Variants in WDPCP observed in about 807,000 individuals in gnomAD.
WDPCP encodes the protein WD repeat-containing and planar cell polarity effector protein fritz homolog.
Under a neutral mutation model 93.1 loss-of-function variants are expected in WDPCP, and 71 were observed. That is an observed-to-expected ratio of 0.76 (90% confidence interval 0.63 to 0.93). The LOEUF is 0.93. WDPCP is among the 40% of genes least tolerant of loss of function. The pLI is 0.00. For synonymous variants in WDPCP, 315 were observed against 315.0 expected, an observed-to-expected ratio of 1.00 and a Z score of 0.00; for missense variants, 844 against 887.4, an observed-to-expected ratio of 0.95 and a Z score of 0.62.
rs1700634777 is a variant in WDPCP at position 63,487,440 on chromosome 2, A to G, written c.208+7T>C. ...TAAAAATTAATTGCACAGAATAGGT[A>G]CTTTACCTGGTGGATCTTTCTTGTC... On this transcript the variant is annotated splice_region_variant and intron_variant, in intron 3 of 17. Transcript: ENST00000272321. 6.3e-7 allele frequency: 1 copy of G among 1,583,336 alleles called. No homozygotes were observed. Among genetic ancestry groups the G allele is most frequent in the Non-Finnish European group, 8.7e-7 (1 of 1,153,844 alleles).
chr2:63,595,051 TG>T (rs1709278880), intron 3 of WDPCP: 1 of 308,036 alleles, frequency 3.2e-6, no homozygotes, highest in Non-Finnish European at 6.1e-6. Flanking sequence ...TCTTGACCCA[TG>T]GATACTGAAT....
chr2:63,611,922 ACTTT>A (rs1473915894), intron 3 of WDPCP, among the ~76,000 whole-genome samples: 1 of 152,220 alleles, frequency 6.6e-6, no homozygotes, highest in Non-Finnish European at 1.5e-5. Context: ...TGAGTAAAGC[ACTTT>A]TAAGCAGAAT....
At chr2:63,605,532 C>T (rs550873582) in intron 3 of WDPCP, 36 of 663,138 alleles carry the variant, frequency 5.4e-5, no homozygotes, top group South Asian at 4.3e-4. Context: ...AAGTAAACTT[C>T]GGGGTTTGTT....
intron 2 of WDPCP, among the ~76,000 whole-genome samples, chr2:63,779,233 T>C (rs988206176): frequency 3.9e-5 from 6 of 152,180 alleles, no homozygotes; most frequent in African/African-American, 1.2e-4. Flanking sequence ...TCTCAAGAAT[T>C]TGAAAGACCT....
intron 1 of WDPCP, among the ~76,000 whole-genome samples, chr2:63,819,041 C>G (rs1306923667): frequency 6.6e-6 from 1 of 152,072 alleles, no homozygotes; most frequent in African/African-American, 2.4e-5. Flanking sequence ...GATATATGCA[C>G]TCTTATATAT....
At chr2:63,147,522 C>T (rs902854801) in intron 17 of WDPCP, among the ~76,000 whole-genome samples, 1 of 152,162 alleles carries the variant, frequency 6.6e-6, no homozygotes, top group African/African-American at 2.4e-5. Context: ...TAGTTTAAGA[C>T]ATCTTATGTT....
chr2:63,704,680 T>G lies in WDPCP; in HGVS notation n.309-53842A>C, dbSNP rs377166435. ...ATCATGGTGGATAAGCTTTTTGATG[T>G]GTTGCTGGATTCGGCTTGCCAGTAT... On this transcript the variant is annotated intron_variant and non_coding_transcript_variant, in intron 2 of 4. Coordinates refer to the WDPCP transcript ENST00000467687. Among the ~76,000 whole-genome samples the G allele has an allele frequency of 3.3e-5, 5 of 152,306 alleles. No homozygotes were observed. In the East Asian group the frequency reaches 9.6e-4, roughly 29 times the overall value.
At chr2:63,609,345 C>A (rs1250381352) in intron 3 of WDPCP, among the ~76,000 whole-genome samples, 3 of 151,124 alleles carry the variant, frequency 2.0e-5, no homozygotes, top group African/African-American at 7.3e-5. Flanking sequence ...TGGGTGACAG[C>A]AAGACTCCAT....
chr2:63,511,734 T>C (rs1170375938), intron 1 of WDPCP, among the ~76,000 whole-genome samples: 2 of 152,186 alleles, frequency 1.3e-5, no homozygotes, highest in Non-Finnish European at 2.9e-5. Context: ...TTACACCTTA[T>C]ACAAAAATTA....
Position 63,588,263 on chromosome 2 carries a change from T to C in WDPCP, c.9A>G (p.Arg3=). The change falls in exon 1 of 18, where the codon CGA becomes CGG. Residue 3 remains arginine (R), a synonymous_variant. Transcript: ENST00000272321. ...TGGAGTAGGCGTCCCAGCAAAACTCTCGCCTCATCACCAGACACTACCCCG... is the reference window on the plus strand; with the variant it reads ...TGGAGTAGGCGTCCCAGCAAAACTCCCGCCTCATCACCAGACACTACCCCG... MR[R]EFCWDAYSKA... 1 of 1,574,796 alleles carries C rather than the reference T, an allele frequency of 6.4e-7. No individual in the cohort carries two copies. Among genetic ancestry groups the C allele is most frequent in the East Asian group, 2.4e-5 (1 of 42,310 alleles).
intron 2 of WDPCP, among the ~76,000 whole-genome samples, chr2:63,491,895 C>G (rs1700900303): frequency 1.3e-5 from 2 of 152,068 alleles, no homozygotes; most frequent in Non-Finnish European, 2.9e-5. Flanking sequence ...TCTGCTAATT[C>G]CTCTTTCCCT....
intron 12 of WDPCP, among the ~76,000 whole-genome samples, chr2:63,346,387 C>T (rs1689191441): frequency 6.6e-6 from 1 of 152,156 alleles, no homozygotes; most frequent in Non-Finnish European, 1.5e-5. Flanking sequence ...AAAAGTAGAC[C>T]TATTCAGCCA....
intron 2 of WDPCP, among the ~76,000 whole-genome samples, chr2:63,694,857 A>G (rs2103683118): frequency 6.6e-6 from 1 of 152,322 alleles, no homozygotes; most frequent in African/African-American, 2.4e-5. Context: ...TATGAAACCT[A>G]AAGATAAGAA....
At chr2:63,637,363 G>GA (rs2106634341) in intron 3 of WDPCP, among the ~76,000 whole-genome samples, 2 of 48,260 alleles carry the variant, frequency 4.1e-5, no homozygotes, top group South Asian at 1.2e-3. Context: ...CAAAAAAAAA[G>GA]AAAAAACAAA....
intron 12 of WDPCP, among the ~76,000 whole-genome samples, chr2:63,315,819 G>A (rs781113811): frequency 3.3e-5 from 5 of 151,820 alleles, no homozygotes; most frequent in African/African-American, 7.3e-5. Flanking sequence ...GTACAGCAGC[G>A]TGATTATAGC....
chr2:63,611,809 C>T (rs1039383265), intron 3 of WDPCP, among the ~76,000 whole-genome samples: 1 of 152,206 alleles, frequency 6.6e-6, no homozygotes, highest in Non-Finnish European at 1.5e-5. Context: ...CAGTTCAATA[C>T]ACATTGTTGA....
chr2:63,227,824 T>C (rs945206205), intron 14 of WDPCP, among the ~76,000 whole-genome samples: 2 of 152,136 alleles, frequency 1.3e-5, no homozygotes, highest in African/African-American at 4.8e-5. Context: ...TCCCTAACCT[T>C]GATAATATTC....
intron 1 of WDPCP, among the ~76,000 whole-genome samples, chr2:63,572,318 G>T (rs1488770151): frequency 6.6e-6 from 1 of 152,140 alleles, no homozygotes; most frequent in African/African-American, 2.4e-5. Flanking sequence ...GGAGTAGATA[G>T]GTAGAAACTA....
At chr2:63,408,640 A>G (rs1425726313) in intron 9 of WDPCP, among the ~76,000 whole-genome samples, 1 of 152,164 alleles carries the variant, frequency 6.6e-6, no homozygotes, top group African/African-American at 2.4e-5. Flanking sequence ...GCTAGGAGGC[A>G]GGTAGCCTAG....
Sources: allele counts gnomAD v4.1 joint callset (sites outside exome capture counted in the v4.1 genomes callset), GRCh38; gene constraint gnomAD v4.1.1; transcripts MANE v1.5; gene names NCBI Gene and HGNC (gene_info 2026-07-23, HGNC 2026-07-21).